The following RIMBP2 variants were observed in gnomAD, a reference collection of about 807,000 sequenced individuals.
The protein encoded by RIMBP2 is RIMS-binding protein 2.
A neutral mutation model predicts 118.6 loss-of-function variants in RIMBP2; 48 were observed. The ratio of observed to expected loss-of-function variants is 0.40; its 90% CI spans 0.32 to 0.51. The LOEUF is 0.51. Among genes scored for constraint, RIMBP2 ranks in the 20% least tolerant of loss-of-function variants. The pLI is 0.41. For synonymous variants in RIMBP2, 762 were observed against 742.9 expected, an observed-to-expected ratio of 1.03 and a Z score of -0.42; for missense variants, 1,551 against 1,768.3, an observed-to-expected ratio of 0.88 and a Z score of 2.20.
intron 1 of RIMBP2, among the ~76,000 whole-genome samples, chr12:130,708,613 T>C (rs766161614): frequency 6.6e-6 from 1 of 151,966 alleles, no homozygotes; most frequent in Non-Finnish European, 1.5e-5. Flanking sequence ...CCTCAGCCTG[T>C]AGGTCGAGGC....
intron 10 of RIMBP2, among the ~76,000 whole-genome samples, chr12:130,443,752 AGGTGATGGTGATGATGGTGAC>A (rs1365390649): frequency 1.3e-5 from 2 of 152,106 alleles, no homozygotes; most frequent in Non-Finnish European, 2.9e-5. Flanking sequence ...GAGGAGATGG[AGGTGATGGTGATGATGGTGAC>A]GGTGATGATG....
At chr12:130,626,422 C>G (rs2061633729) in intron 2 of RIMBP2, among the ~76,000 whole-genome samples, 1 of 145,012 alleles carries the variant, frequency 6.9e-6, no homozygotes, top group Non-Finnish European at 1.5e-5. Flanking sequence ...ATCAGCTCCT[C>G]CATCACCATG....
chr12:130,456,213 G>T (rs1416364870), intron 7 of RIMBP2, among the ~76,000 whole-genome samples: 1 of 152,170 alleles, frequency 6.6e-6, no homozygotes, highest in Non-Finnish European at 1.5e-5. Context: ...CAGCATCTGT[G>T]TGACCCACAC....
intron 7 of RIMBP2, among the ~76,000 whole-genome samples, chr12:130,454,242 G>A (rs1335728348): frequency 6.6e-6 from 1 of 152,234 alleles, no homozygotes; most frequent in African/African-American, 2.4e-5. Flanking sequence ...GGATCAAGTT[G>A]TATACCTTAA....
At position 130,422,338 on chromosome 12, in the gene RIMBP2, G is replaced by A. The variant is rs767211461; in HGVS notation, c.3238+115C>T. ...TGCCTTCTTTTTGCCATGAATAACA[G>A]TGTTCTTTGCTTAGCGGAAAATGCT... On this transcript the variant is annotated intron_variant, in intron 17 of 22. Coordinates refer to ENST00000690449, the MANE Select transcript of RIMBP2 (RefSeq NM_001393629.1). This position sits in a 1 kb window ranked among gnomAD's most constrained non-coding sequence, Gnocchi z 5.2. The A allele has an allele frequency of 1.6e-6, 1 of 613,780 alleles. No homozygotes were observed. The highest frequency in any genetic ancestry group is 2.9e-6 in the Non-Finnish European group (1 of 345,242). 38.0% of individuals were successfully genotyped at this position (613,780 alleles called of 1,614,324 possible).
In RIMBP2 at chr12:130,638,744, G is replaced by C. The variant is rs560770644; in HGVS notation, c.-351-10288C>G. The stretch of plus-strand genomic sequence containing the variant: ...CTGAACTATAGTACATTGCGGAAAA[G>C]GCAAAACTATGGAGATCGTTAAAAA... On this transcript the variant is annotated intron_variant, in intron 1 of 22. Transcript: ENST00000690449. Among the ~76,000 whole-genome samples, 6 of 152,010 alleles carry C rather than the reference G, an allele frequency of 3.9e-5. No homozygotes were observed. In the South Asian group the frequency reaches 1.0e-3, roughly 26 times the overall value.
chr12:130,599,908 A>C (rs1433845256), intron 2 of RIMBP2, among the ~76,000 whole-genome samples: 1 of 152,160 alleles, frequency 6.6e-6, no homozygotes, highest in African/African-American at 2.4e-5. Flanking sequence ...AACCTGCCCC[A>C]TTCTATTCAA....
At chr12:130,403,328 A>T (rs1158813304) in intron 21 of RIMBP2, among the ~76,000 whole-genome samples, 1 of 152,200 alleles carries the variant, frequency 6.6e-6, no homozygotes, top group Non-Finnish European at 1.5e-5. Flanking sequence ...CATACGTTTC[A>T]TATTAATTTA....
rs1332832823 is a variant in RIMBP2 at position 130,399,921 on chromosome 12, T to A, written c.3766-108A>T. 6 of 1,292,956 alleles carry A rather than the reference T, an allele frequency of 4.6e-6. No individual in the cohort carries two copies. The East Asian group carries it at 9.4e-5, about 20-fold the overall frequency. The allele number at this position is 1,292,956 out of a possible 1,614,324, so 80.1% of individuals were successfully genotyped here. A position where few individuals can be genotyped will look rare whatever the true frequency, so the allele number is the denominator to read the frequency against. Reference sequence around the variant, plus strand: ...GAGTACAGGTACATGGTGAGTTTATTCTGGTTCAAAAGTGGCAGGACTTGA... The same window carrying A: ...GAGTACAGGTACATGGTGAGTTTATACTGGTTCAAAAGTGGCAGGACTTGA... On this transcript the variant is annotated intron_variant, in intron 21 of 22. Coordinates refer to ENST00000690449, the MANE Select transcript of RIMBP2 (RefSeq NM_001393629.1).
intron 1 of RIMBP2, among the ~76,000 whole-genome samples, chr12:130,629,869 C>CCAAGGAGTACAAT (rs141804311): frequency 6.6e-6 from 1 of 150,636 alleles, no homozygotes; most frequent in Admixed American, 6.7e-5. Flanking sequence ...TCTTGGAGTA[C>CCAAGGAGTACAAT]CAAGGAGTAC....
Position 130,539,534 on chromosome 12 carries a change from T to C in RIMBP2, c.-216-21617A>G, listed in dbSNP as rs61934597. ...GAGAGGGCATCATGGCAAATGCAGTTGATGAGGTGGCCAGGTGTAGGATAT... is the reference window on the plus strand; with the variant it reads ...GAGAGGGCATCATGGCAAATGCAGTCGATGAGGTGGCCAGGTGTAGGATAT... On this transcript the variant is annotated intron_variant, in intron 2 of 22. Coordinates refer to ENST00000690449, the MANE Select transcript of RIMBP2 (RefSeq NM_001393629.1). Among the ~76,000 whole-genome samples the C allele has an allele frequency of 6.9e-3, 883 of 128,394 alleles. 10 individuals are homozygous for C. The highest frequency in any genetic ancestry group is 0.025 in the South Asian group (88 of 3,506). The allele number at this position is 128,394 out of a possible 152,430, so 84.2% of individuals were successfully genotyped here.
chr12:130,620,830 C>A lies in RIMBP2; in HGVS notation c.-217+7492G>T, dbSNP rs1463191788. Among the ~76,000 whole-genome samples, 1 of 152,170 alleles carries A rather than the reference C, an allele frequency of 6.6e-6. No individual in the cohort carries two copies. The highest frequency in any genetic ancestry group is 1.5e-5 in the Non-Finnish European group (1 of 68,024). ...TCACATTTTGAGGGGGCTGGGCCTC[C>A]AACATTCTTTTTGTAGGGAACACCC... On this transcript the variant is annotated intron_variant, in intron 2 of 22. Transcript: ENST00000690449. The surrounding 1 kb of genome is among the most constrained non-coding windows in gnomAD (Gnocchi z 5.3).
At chr12:130,552,569 G>C (rs1454837392) in intron 2 of RIMBP2, among the ~76,000 whole-genome samples, 1 of 152,184 alleles carries the variant, frequency 6.6e-6, no homozygotes, top group African/African-American at 2.4e-5. Context: ...CTGCTGGTGA[G>C]CAGATCAGGA....
chr12:130,604,719 G>T lies in RIMBP2; in HGVS notation c.-217+23603C>A, dbSNP rs2060076855. Among the ~76,000 whole-genome samples the T allele has an allele frequency of 4.6e-5, 2 of 43,702 alleles. 1 individual carries two copies. Among genetic ancestry groups the T allele is most frequent in the Non-Finnish European group, 1.1e-4 (2 of 18,420 alleles). 28.7% of individuals were successfully genotyped at this position (43,702 alleles called of 152,430 possible). On this transcript the variant is annotated intron_variant, in intron 2 of 22. Coordinates refer to ENST00000690449, the MANE Select transcript of RIMBP2 (RefSeq NM_001393629.1). The stretch of plus-strand genomic sequence containing the variant: ...CTGCCTCAGCCTCCCAAGTAGCTGG[G>T]ACTACAGGCACCACCACCACGCCCG...
At chr12:130,412,524 A>G (rs957783174) in intron 19 of RIMBP2, 95 bp downstream of exon 19, 226 of 1,153,300 alleles carry the variant, frequency 2.0e-4, no homozygotes, top group Non-Finnish European at 6.5e-5. Flanking sequence ...AAATGATGCA[A>G]TTTGGGGTCT....
At chr12:130,663,202 A>C (rs1356360379) in intron 1 of RIMBP2, among the ~76,000 whole-genome samples, 1 of 152,154 alleles carries the variant, frequency 6.6e-6, no homozygotes, top group Non-Finnish European at 1.5e-5. Context: ...TCAGAGGTCA[A>C]GTATCTGCCA....
At chr12:130,612,473 G>C (rs919594884) in intron 2 of RIMBP2, among the ~76,000 whole-genome samples, 4 of 152,176 alleles carry the variant, frequency 2.6e-5, no homozygotes, top group African/African-American at 7.2e-5. Context: ...CTGGCTGCTG[G>C]GTTAATGAAA....
intron 6 of RIMBP2, among the ~76,000 whole-genome samples, chr12:130,460,334 C>T (rs1236399458): frequency 6.6e-6 from 1 of 152,176 alleles, no homozygotes; most frequent in Non-Finnish European, 1.5e-5. Flanking sequence ...CTCGCAGGAG[C>T]AGCCGTAATC....
Position 130,488,555 on chromosome 12 carries a change from C to G in RIMBP2, c.-3-9539G>C, listed in dbSNP as rs192786807. ...ATCCTGGCATGAGGACATACTGATT[C>G]ATTCTGCACAGCGTTACTTTTCTAA... On this transcript the variant is annotated intron_variant, in intron 4 of 22. Coordinates refer to ENST00000690449, the MANE Select transcript of RIMBP2 (RefSeq NM_001393629.1). Among the ~76,000 whole-genome samples, 30 of 152,326 alleles carry G rather than the reference C, an allele frequency of 2.0e-4. No homozygotes were observed. The East Asian group carries it at 5.6e-3, about 28-fold the overall frequency.
Sources: allele counts gnomAD v4.1 joint callset (sites outside exome capture counted in the v4.1 genomes callset), GRCh38; gene constraint gnomAD v4.1.1; non-coding constraint Gnocchi (gnomAD v3.1); transcripts MANE v1.5; gene names NCBI Gene and HGNC (gene_info 2026-07-23, HGNC 2026-07-21).